ATRNL1: variants seen among roughly 807,000 people sequenced by gnomAD.
ATRNL1 encodes attractin like 1.
A neutral mutation model predicts 182.7 loss-of-function variants in ATRNL1; 95 were observed. The ratio of observed to expected loss-of-function variants is 0.52; its 90% CI spans 0.44 to 0.62. The LOEUF is 0.62. Ranked by LOEUF, ATRNL1 falls within the 20% of genes least tolerant of loss-of-function variation. The pLI is 0.00. For synonymous variants in ATRNL1, 576 were observed against 568.3 expected (o/e 1.01, Z -0.19); for missense variants, 1,471 against 1,679.5 (o/e 0.88, Z 2.17).
At chr10:115,477,922 A>T (rs1269261599) in intron 24 of ATRNL1, among the ~76,000 whole-genome samples, 1 of 151,720 alleles carries the variant, frequency 6.6e-6, no homozygotes, top group African/African-American at 2.4e-5. Context: ...TCTAATGTAG[A>T]TATTCTTATC....
chr10:115,354,878 TTATTCTTTTA>T (rs1856433839), intron 19 of ATRNL1, among the ~76,000 whole-genome samples: 1 of 152,120 alleles, frequency 6.6e-6, no homozygotes, highest in African/African-American at 2.4e-5. Flanking sequence ...TTATTCTTTT[TTATTCTTTTA>T]AATCTATTTT....
chr10:115,765,125 C>T (rs1948826516), intron 27 of ATRNL1, among the ~76,000 whole-genome samples: 1 of 152,140 alleles, frequency 6.6e-6, no homozygotes, highest in Admixed American at 6.5e-5. Context: ...AATTATGCTG[C>T]TACAAACATC....
At chr10:115,466,765 A>T (rs1240729018) in intron 22 of ATRNL1, among the ~76,000 whole-genome samples, 1 of 151,212 alleles carries the variant, frequency 6.6e-6, no homozygotes, top group Non-Finnish European at 1.5e-5. Flanking sequence ...AAGTCTTTTA[A>T]AAAAATAATC....
chr10:115,194,620 G>A (rs1554890604), intron 8 of ATRNL1, among the ~76,000 whole-genome samples: 2 of 151,842 alleles, frequency 1.3e-5, no homozygotes, highest in South Asian at 2.1e-4. Flanking sequence ...TAGGCAGCAT[G>A]TAGTGGGGTC....
chr10:115,520,562 A>G (rs140285624), intron 25 of ATRNL1, among the ~76,000 whole-genome samples: 124 of 152,304 alleles, frequency 8.1e-4, no homozygotes, highest in Middle Eastern at 3.4e-3. Flanking sequence ...AATTTGCCCA[A>G]CCACTGATCA....
intron 24 of ATRNL1, 40 bp downstream of exon 24, chr10:115,469,369 C>A: frequency 2.3e-6 from 3 of 1,301,360 alleles, no homozygotes; most frequent in Non-Finnish European, 3.1e-6. Flanking sequence ...ACCATAATAT[C>A]ATTAAGAAAA....
chr10:115,659,449 A>T, intron 26 of ATRNL1, among the ~76,000 whole-genome samples: 1 of 152,236 alleles, frequency 6.6e-6, no homozygotes, highest in African/African-American at 2.4e-5. Context: ...TTTATTGTGC[A>T]TCCACTAAGT....
chr10:115,605,077 T>G (rs1165632540), intron 26 of ATRNL1, among the ~76,000 whole-genome samples: 1 of 152,198 alleles, frequency 6.6e-6, no homozygotes, highest in African/African-American at 2.4e-5. Flanking sequence ...TGGCTGATTA[T>G]GCATAACAAC....
rs767434255 is a variant in ATRNL1 at position 115,574,391 on chromosome 10, CTT to C, written c.3795+24857_3795+24858del. On this transcript the variant is annotated intron_variant, in intron 26 of 28. Transcript: ENST00000355044. ...ACACACATGAAGCATGAATGAAACT[CTT>C]TGAGAAAAAAGCCTATAGTTGCCAA... Among the ~76,000 whole-genome samples the C allele has an allele frequency of 4.6e-5, 7 of 151,668 alleles. No homozygotes were observed. The East Asian group carries it at 1.4e-3, about 29-fold the overall frequency.
intron 28 of ATRNL1, among the ~76,000 whole-genome samples, chr10:115,891,746 C>CT (rs1275732691): frequency 1.3e-5 from 2 of 151,928 alleles, no homozygotes; most frequent in African/African-American, 4.8e-5. Context: ...CTTTAGTTTT[C>CT]TTTTGTTTTA....
At chr10:115,609,282 A>T (rs1857031742) in intron 26 of ATRNL1, among the ~76,000 whole-genome samples, 1 of 152,110 alleles carries the variant, frequency 6.6e-6, no homozygotes, top group East Asian at 1.9e-4. Flanking sequence ...GAATACACTG[A>T]GTATTTGTCA....
At chr10:115,667,014 A>G (rs1555039854) in intron 26 of ATRNL1, among the ~76,000 whole-genome samples, 2 of 152,146 alleles carry the variant, frequency 1.3e-5, no homozygotes, top group Non-Finnish European at 2.9e-5. Context: ...GTGGATGACT[A>G]TAGATGAATA....
intron 27 of ATRNL1, among the ~76,000 whole-genome samples, chr10:115,831,633 G>A (rs576629865): frequency 6.6e-6 from 1 of 152,206 alleles, no homozygotes; most frequent in Admixed American, 6.5e-5. Flanking sequence ...TCTTGCACCG[G>A]CTAACATGAC....
chr10:115,847,839 G>A, intron 27 of ATRNL1, 38 bp from the exon 28 acceptor site: 1 of 1,106,092 alleles, frequency 9.0e-7, no homozygotes, highest in South Asian at 1.3e-5. Flanking sequence ...GCAATGCTAT[G>A]TCAATTTTGC....
At chr10:115,731,019 T>G (rs1472249682) in intron 27 of ATRNL1, among the ~76,000 whole-genome samples, 1 of 152,080 alleles carries the variant, frequency 6.6e-6, no homozygotes, top group African/African-American at 2.4e-5. Flanking sequence ...CTGCTTTATA[T>G]TCTAGTCTCG....
At chr10:115,598,693 G>A (rs1555015005) in intron 26 of ATRNL1, among the ~76,000 whole-genome samples, 1 of 152,038 alleles carries the variant, frequency 6.6e-6, no homozygotes, top group African/African-American at 2.4e-5. Flanking sequence ...CTTTATAAAA[G>A]TAACTATGTC....
intron 5 of ATRNL1, among the ~76,000 whole-genome samples, chr10:115,153,749 G>A (rs1846363012): frequency 6.6e-6 from 1 of 151,922 alleles, no homozygotes; most frequent in Non-Finnish European, 1.5e-5. Flanking sequence ...GTTATTTCTT[G>A]TCTTCTGCTA....
chr10:115,668,685 C>T (rs1381124382), intron 26 of ATRNL1, among the ~76,000 whole-genome samples: 4 of 152,070 alleles, frequency 2.6e-5, no homozygotes, highest in African/African-American at 9.7e-5. Context: ...CATTTTTTCT[C>T]TAGGATTACA....
At chr10:115,548,503 C>A (rs1234897707) in intron 25 of ATRNL1, among the ~76,000 whole-genome samples, 1 of 152,006 alleles carries the variant, frequency 6.6e-6, no homozygotes, top group Non-Finnish European at 1.5e-5. Flanking sequence ...TTGTAGTGTC[C>A]CAGGTCTGTT....
Sources: gnomAD v4.1 joint callset for allele counts (sites outside exome capture counted in the v4.1 genomes callset) on GRCh38, gnomAD v4.1.1 for gene constraint, MANE v1.5 for transcripts, NCBI Gene and HGNC (gene_info 2026-07-23, HGNC 2026-07-21) for gene names.